Variants in ZFHX3 observed in about 807,000 individuals in gnomAD.
The protein encoded by ZFHX3 is zinc finger homeobox protein 3.
Under a neutral mutation model 279.1 loss-of-function variants are expected in ZFHX3, and 42 were observed. The ratio of observed to expected loss-of-function variants is 0.15; its 90% confidence interval spans 0.12 to 0.19. The LOEUF is 0.19. ZFHX3 is among the 10% of genes least tolerant of loss of function. The pLI is 1.00. For missense variants in ZFHX3, 4,981 were observed against 4,754.0 expected (o/e 1.05, Z -1.40); for synonymous variants, 2,293 against 1,957.8 (o/e 1.17, Z -4.52).
chr16:73,750,665 C>T (rs774156798), intron 1 of ZFHX3, among the ~76,000 whole-genome samples: 7 of 152,068 alleles, frequency 4.6e-5, no homozygotes, highest in African/African-American at 7.2e-5. Context: ...GGAGGTAAGG[C>T]GAGCACTGCA....
At chr16:73,709,807 AAATAACACCTATGTTATTAGGTC>A (rs1362519978) in intron 1 of ZFHX3, among the ~76,000 whole-genome samples, 1 of 152,160 alleles carries the variant, frequency 6.6e-6, no homozygotes, top group Non-Finnish European at 1.5e-5. Flanking sequence ...TAAGTATGTA[AAATAACACCTATGTTATTAGGTC>A]AATGGAGCCA....
At chr16:73,558,980 G>A (rs1369508356) in intron 2 of ZFHX3, among the ~76,000 whole-genome samples, 3 of 151,796 alleles carry the variant, frequency 2.0e-5, no homozygotes, top group Admixed American at 1.3e-4. Context: ...CTCCCAAAGT[G>A]CTAGGATTAC....
chr16:73,154,373 T>C (rs2144849223), intron 5 of ZFHX3, among the ~76,000 whole-genome samples: 1 of 152,328 alleles, frequency 6.6e-6, no homozygotes, highest in African/African-American at 2.4e-5. Flanking sequence ...TTTTCTGTAC[T>C]TCCTCTTCTT....
Position 73,557,704 on chromosome 16 carries a change from G to A in ZFHX3, c.-1546-101446C>T, listed in dbSNP as rs536903799. Among the ~76,000 whole-genome samples, 5 of 152,096 alleles carry A rather than the reference G, an allele frequency of 3.3e-5. No individual in the cohort carries two copies. In the East Asian group the frequency reaches 7.8e-4, roughly 24 times the overall value. On this transcript the variant is annotated intron_variant, in intron 2 of 17. Coordinates refer to the ZFHX3 transcript ENST00000641206. ...GGGTTTTGGCCGGCTTCTTTACTGCGAACTGTTTTATCAGCAAGGTCTTTA... is the reference window on the plus strand; with the variant it reads ...GGGTTTTGGCCGGCTTCTTTACTGCAAACTGTTTTATCAGCAAGGTCTTTA...
intron 2 of ZFHX3, among the ~76,000 whole-genome samples, chr16:73,604,974 A>C (rs755777476): frequency 6.6e-6 from 1 of 152,094 alleles, no homozygotes; most frequent in Non-Finnish European, 1.5e-5. Flanking sequence ...AATTTACTAA[A>C]TGTGCCTAGC....
chr16:73,083,043 A>T (rs1433589431), intron 8 of ZFHX3, among the ~76,000 whole-genome samples: 1 of 148,464 alleles, frequency 6.7e-6, no homozygotes, highest in Non-Finnish European at 1.5e-5. Context: ...AAAAAAAAAA[A>T]AATACAAAAA....
chr16:73,890,257 AC>A (rs370238283), intron 1 of ZFHX3, among the ~76,000 whole-genome samples: 59 of 150,086 alleles, frequency 3.9e-4, no homozygotes, highest in African/African-American at 1.4e-3. Context: ...AAAAAAAACA[AC>A]AAAAAAAAAC....
rs185838968 is a variant in ZFHX3 at position 73,378,852 on chromosome 16, G to T, written c.-1290-60516C>A. On this transcript the variant is annotated intron_variant, in intron 3 of 17. Transcript: ENST00000641206. The stretch of plus-strand genomic sequence containing the variant: ...TATCCCCTTAAATCTTTCCCTGGGA[G>T]AATATCACCTCTGACCTTCCGAGAT... Among the ~76,000 whole-genome samples the T allele has an allele frequency of 4.1e-3, 622 of 152,248 alleles. 14 individuals carry two copies. Among genetic ancestry groups the T allele is most frequent in the East Asian group, 4.2e-3 (22 of 5,180 alleles).
At chr16:73,182,207 A>G in intron 5 of ZFHX3, among the ~76,000 whole-genome samples, 1 of 152,256 alleles carries the variant, frequency 6.6e-6, no homozygotes, top group East Asian at 1.9e-4. Context: ...CTGTAATCCA[A>G]GCACTTTGGG....
chr16:73,840,100 C>A (rs903291337), intron 1 of ZFHX3, among the ~76,000 whole-genome samples: 1 of 152,156 alleles, frequency 6.6e-6, no homozygotes, highest in South Asian at 2.1e-4. Context: ...GGATCCAGTA[C>A]ACAGCAGGCA....
intron 4 of ZFHX3, among the ~76,000 whole-genome samples, chr16:72,852,538 A>G (rs1289908074): frequency 6.6e-6 from 1 of 152,366 alleles, no homozygotes; most frequent in African/African-American, 2.4e-5. Context: ...AAAAAAGATA[A>G]TGTCCCAAAA....
chr16:72,867,607 T>C (rs900182578), intron 4 of ZFHX3, among the ~76,000 whole-genome samples: 2 of 152,210 alleles, frequency 1.3e-5, no homozygotes, highest in Admixed American at 6.5e-5. Flanking sequence ...AGTTTAAACA[T>C]GTAATCCACA....
intron 1 of ZFHX3, among the ~76,000 whole-genome samples, chr16:73,882,347 A>C (rs2030196366): frequency 6.6e-6 from 1 of 152,168 alleles, no homozygotes; most frequent in African/African-American, 2.4e-5. Flanking sequence ...TTTGCTGTCA[A>C]AAAAGCTTTA....
chr16:73,639,079 C>A (rs1265561747), intron 2 of ZFHX3, among the ~76,000 whole-genome samples: 1 of 152,148 alleles, frequency 6.6e-6, no homozygotes, highest in African/African-American at 2.4e-5. Flanking sequence ...GAAAAAAATA[C>A]CATGCAACGG....
chr16:73,543,885 G>GGAGAGAGAGA (rs762967059), intron 2 of ZFHX3: 3,750 of 136,400 alleles, frequency 0.027, 215 homozygotes, highest in Admixed American at 0.12. Flanking sequence ...AGCGAGAGAG[G>GGAGAGAGAGA]GAGAGAGAGA....
At chr16:73,574,605 G>A (rs2051780619) in intron 2 of ZFHX3, among the ~76,000 whole-genome samples, 1 of 152,146 alleles carries the variant, frequency 6.6e-6, no homozygotes, top group South Asian at 2.1e-4. Context: ...TTCTACAGCG[G>A]CAGTGACAAT....
At chr16:73,428,950 T>G (rs531815438) in intron 3 of ZFHX3, among the ~76,000 whole-genome samples, 26 of 152,250 alleles carry the variant, frequency 1.7e-4, no homozygotes, top group Admixed American at 9.1e-4. Context: ...CACTGCTTGC[T>G]CCCATTCTTC....
At chr16:73,660,140 C>G (rs901856567) in intron 2 of ZFHX3, among the ~76,000 whole-genome samples, 1 of 152,086 alleles carries the variant, frequency 6.6e-6, no homozygotes, top group African/African-American at 2.4e-5. Context: ...AAATTTAGGA[C>G]GAACTAGGGA....
At chr16:72,914,035 G>A (rs184436525) in intron 3 of ZFHX3, among the ~76,000 whole-genome samples, 5 of 152,330 alleles carry the variant, frequency 3.3e-5, no homozygotes, top group Admixed American at 2.0e-4. Flanking sequence ...TCACTTGCTC[G>A]TGTTAACACA....
Sources: gnomAD v4.1 joint callset for allele counts (sites outside exome capture counted in the v4.1 genomes callset) on GRCh38, gnomAD v4.1.1 for gene constraint, MANE v1.5 for transcripts, NCBI Gene and HGNC (gene_info 2026-07-23, HGNC 2026-07-21) for gene names.